The following GRK5 variants were observed in gnomAD, a reference collection of about 807,000 sequenced individuals.
The protein encoded by GRK5 is g protein-coupled receptor kinase GRK5.
Under a neutral mutation model 78.4 loss-of-function variants are expected in GRK5, and 40 were observed. The ratio of observed to expected loss-of-function variants is 0.51; its 90% CI spans 0.40 to 0.66. GRK5 has a LOEUF of 0.66. GRK5 is among the 30% of genes least tolerant of loss of function. The pLI, the probability that GRK5 is intolerant of heterozygous loss-of-function variation, is 0.00. For missense variants in GRK5, 598 were observed against 759.9 expected, an observed-to-expected ratio of 0.79 and a Z score of 2.50; for synonymous variants, 289 against 296.8, an observed-to-expected ratio of 0.97 and a Z score of 0.27.
chr10:119,353,102 A>G (rs1851211527), intron 2 of GRK5, among the ~76,000 whole-genome samples: 1 of 152,210 alleles, frequency 6.6e-6, no homozygotes, highest in South Asian at 2.1e-4. Flanking sequence ...CAGAGATCAA[A>G]TCTTGTTCAT....
In GRK5 at chr10:119,217,074, T is replaced by A. The variant is rs1848587472; in HGVS notation, c.52+9105T>A. ...GTGCTTTTATGTTCCAAAATAAATC[T>A]TTCTTCCTTCCTCTCATAATATATG... is the stretch of plus-strand genomic sequence containing the variant. On this transcript the variant is annotated intron_variant, in intron 1 of 15. Transcript: ENST00000392870. The surrounding 1 kb of genome is among the most constrained non-coding windows in gnomAD (Gnocchi z 4.1). Among the ~76,000 whole-genome samples, 1 of 152,240 alleles carries A rather than the reference T, an allele frequency of 6.6e-6. No homozygotes were observed. Among genetic ancestry groups the A allele is most frequent in the South Asian group, 2.1e-4 (1 of 4,830 alleles).
chr10:119,321,227 C>T (rs965722487), intron 1 of GRK5, among the ~76,000 whole-genome samples: 2 of 152,186 alleles, frequency 1.3e-5, no homozygotes, highest in African/African-American at 2.4e-5. Flanking sequence ...GGTGAGAGGC[C>T]ATTCTGGGGT....
At chr10:119,220,943 C>A (rs1848647821) in intron 1 of GRK5, among the ~76,000 whole-genome samples, 1 of 152,106 alleles carries the variant, frequency 6.6e-6, no homozygotes, top group African/African-American at 2.4e-5. Flanking sequence ...CACCTGAGGT[C>A]AGGAGTTTGA....
At chr10:119,434,007 C>T (rs142440606) in intron 8 of GRK5, among the ~76,000 whole-genome samples, 8 of 152,280 alleles carry the variant, frequency 5.3e-5, no homozygotes, top group Admixed American at 2.6e-4. Flanking sequence ...TCTTACATGG[C>T]GGTGGCAAGA....
Position 119,448,243 on chromosome 10 carries a change from C to T in GRK5, c.1387C>T (p.Pro463Ser). The T allele has an allele frequency of 6.3e-7, 1 of 1,596,054 alleles. No individual in the cohort carries two copies. The highest frequency in any genetic ancestry group is 8.5e-7 in the Non-Finnish European group (1 of 1,172,340). Residue 463 changes from proline to serine, a missense_variant, in exon 13 of 16, where the codon CCT becomes TCT. Coordinates refer to ENST00000392870, the MANE Select transcript of GRK5 (RefSeq NM_005308.3). ...FKRLEAGMLD[P>S]PFVPDPRAVY... ...GCGCTTAGAAGCCGGGATGTTGGAC[C>T]CTCCCTTCGTTCCAGACGTGAGTAG...
In GRK5 at chr10:119,419,097, C is replaced by T. The variant is rs192608751; in HGVS notation, c.340-4069C>T. 8.9e-3 allele frequency among the ~76,000 whole-genome samples: 1,359 copies of T among 152,284 alleles called. 23 individuals carry two copies. Among genetic ancestry groups the T allele is most frequent in the African/African-American group, 0.031 (1,300 of 41,546 alleles). Reference sequence around the variant, plus strand: ...GTAACATTTCTCTCCAGAACCCACCCGGCCTGTAGGGTTCCCCCCTCTCCC... The same window carrying T: ...GTAACATTTCTCTCCAGAACCCACCTGGCCTGTAGGGTTCCCCCCTCTCCC... On this transcript the variant is annotated intron_variant, in intron 4 of 15. Coordinates refer to ENST00000392870, the MANE Select transcript of GRK5 (RefSeq NM_005308.3).
chr10:119,443,454 G>A, intron 11 of GRK5, 90 bp from the exon 12 acceptor site: 1 of 1,195,528 alleles, frequency 8.4e-7, no homozygotes, highest in South Asian at 1.4e-5. Flanking sequence ...GTAAGAGTTG[G>A]TGGCGGCCAT....
At chr10:119,341,272 C>T (rs1001230005) in intron 2 of GRK5, among the ~76,000 whole-genome samples, 4 of 152,192 alleles carry the variant, frequency 2.6e-5, no homozygotes, top group African/African-American at 7.2e-5. Context: ...AGTCTGCTCT[C>T]GCCACCACCT....
Position 119,267,839 on chromosome 10 carries a change from C to A in GRK5, c.53-58677C>A, listed in dbSNP as rs1319062140. Among the ~76,000 whole-genome samples the A allele has an allele frequency of 6.6e-6, 1 of 152,084 alleles. No homozygotes were observed. Among genetic ancestry groups the A allele is most frequent in the Non-Finnish European group, 1.5e-5 (1 of 68,024 alleles). ...ATGTCAGAAGATGGGTCCTCTCCAC[C>A]CCAGCTCCTCCACACTCCCCACCCC... On this transcript the variant is annotated intron_variant, in intron 1 of 15. Transcript: ENST00000392870. The surrounding 1 kb of genome is among the most constrained non-coding windows in gnomAD (Gnocchi z 4.1).
intron 1 of GRK5, among the ~76,000 whole-genome samples, chr10:119,209,170 C>G (rs1311701953): frequency 6.6e-6 from 1 of 152,132 alleles, no homozygotes; most frequent in Non-Finnish European, 1.5e-5. Flanking sequence ...TTATTCAGCC[C>G]GTTCCATCAC....
chr10:119,221,105 G>A (rs867835992), intron 1 of GRK5, among the ~76,000 whole-genome samples: 4 of 151,976 alleles, frequency 2.6e-5, no homozygotes, highest in Non-Finnish European at 5.9e-5. Flanking sequence ...GCAGTGAGCC[G>A]AGATCGTGCC....
Position 119,454,948 on chromosome 10 carries a change from C to T in GRK5, c.1675-21C>T, listed in dbSNP as rs752287532. 1.9e-6 allele frequency: 3 copies of T among 1,547,180 alleles called. No homozygotes were observed. In the South Asian group the frequency reaches 3.3e-5, roughly 17 times the overall value. On this transcript the variant is annotated intron_variant, in intron 15 of 15. Transcript: ENST00000392870. ...CTGACTTCTGTTCTCTCCACCCCGT[C>T]TCCCCCAACCCCAACCCCAGCATCA...
chr10:119,263,776 A>T (rs1172361079), intron 1 of GRK5, among the ~76,000 whole-genome samples: 1 of 152,020 alleles, frequency 6.6e-6, no homozygotes, highest in Non-Finnish European at 1.5e-5. Flanking sequence ...ATACAAAAAA[A>T]TTAGCCGGGC....
intron 8 of GRK5, among the ~76,000 whole-genome samples, chr10:119,434,538 G>T (rs1469158164): frequency 6.6e-6 from 1 of 152,240 alleles, no homozygotes; most frequent in Non-Finnish European, 1.5e-5. Context: ...AAATCTTAAA[G>T]CTCTAAAATG....
intron 1 of GRK5, among the ~76,000 whole-genome samples, chr10:119,239,533 GC>G (rs1487798046): frequency 6.6e-6 from 1 of 152,074 alleles, no homozygotes; most frequent in Non-Finnish European, 1.5e-5. Context: ...ACTGCACTAG[GC>G]CTGGTTTATT....
intron 1 of GRK5, among the ~76,000 whole-genome samples, chr10:119,292,502 A>G (rs1415033707): frequency 6.6e-6 from 1 of 152,204 alleles, no homozygotes; most frequent in Non-Finnish European, 1.5e-5. Flanking sequence ...AACCTCCCCA[A>G]ACCTAATTCT....
chr10:119,346,233 T>C (rs1851089931), intron 2 of GRK5, among the ~76,000 whole-genome samples: 1 of 152,168 alleles, frequency 6.6e-6, no homozygotes, highest in Admixed American at 6.5e-5. Flanking sequence ...GAGGAATGAA[T>C]GATGAGGCAG....
intron 2 of GRK5, among the ~76,000 whole-genome samples, chr10:119,334,318 A>AAG (rs371939721): frequency 2.2e-3 from 336 of 152,138 alleles, no homozygotes; most frequent in African/African-American, 7.9e-3. Context: ...AAAAAAGAAA[A>AAG]AGAGAGAGAG....
intron 4 of GRK5, among the ~76,000 whole-genome samples, chr10:119,420,353 CAA>C (rs71480796): frequency 9.3e-4 from 24 of 25,924 alleles, no homozygotes; most frequent in Admixed American, 4.0e-3. Context: ...AACAAACAAA[CAA>C]AAAAAAAAAA....
Sources: gnomAD v4.1 joint callset for allele counts (sites outside exome capture counted in the v4.1 genomes callset) on GRCh38, gnomAD v4.1.1 for gene constraint, Gnocchi (gnomAD v3.1) non-coding constraint, MANE v1.5 for transcripts, NCBI Gene and HGNC (gene_info 2026-07-23, HGNC 2026-07-21) for gene names.